Variants in CSMD2 observed in about 807,000 individuals in gnomAD.
CSMD2 encodes the protein CUB and sushi domain-containing protein 2.
A neutral mutation model predicts 398.5 loss-of-function variants in CSMD2; 130 were observed. That is an observed-to-expected ratio of 0.33 (90% CI 0.28 to 0.38). The LOEUF is 0.38. Among genes scored for constraint, CSMD2 ranks in the 10% least tolerant of loss-of-function variants. CSMD2 has a pLI of 1.00. For missense variants in CSMD2, 3,829 were observed against 4,764.9 expected (o/e 0.80, Z 5.78); for synonymous variants, 1,828 against 1,908.5 (o/e 0.96, Z 1.10).
intron 1 of CSMD2, among the ~76,000 whole-genome samples, chr1:34,151,684 G>A (rs1396848763): frequency 6.6e-6 from 1 of 152,138 alleles, no homozygotes; most frequent in Non-Finnish European, 1.5e-5. Flanking sequence ...CAAGGTAGAA[G>A]ATAGCAGGTC....
intron 1 of CSMD2, among the ~76,000 whole-genome samples, chr1:34,151,839 T>C (rs1216231609): frequency 7.3e-6 from 1 of 136,994 alleles, no homozygotes; most frequent in Non-Finnish European, 1.6e-5. Context: ...CTTCCTTTCT[T>C]TCAGTCACAT....
At chr1:33,843,179 C>CT (rs556090218) in intron 6 of CSMD2, among the ~76,000 whole-genome samples, 160 of 152,312 alleles carry the variant, frequency 1.1e-3, no homozygotes, top group African/African-American at 3.6e-3. Context: ...GCGCATTCAT[C>CT]TTTTTTGCTG....
chr1:33,523,278 A>G (rs1654473091), intron 67 of CSMD2, 29 bp downstream of exon 67: 1 of 1,036,406 alleles, frequency 9.6e-7, no homozygotes, highest in South Asian at 1.3e-5. Context: ...TCTGGGAGTC[A>G]GGGGAGGAGG....
intron 7 of CSMD2, among the ~76,000 whole-genome samples, chr1:33,821,022 A>G (rs1658083117): frequency 6.6e-6 from 1 of 152,212 alleles, no homozygotes; most frequent in Admixed American, 6.5e-5. Flanking sequence ...CAGAAACGGT[A>G]AAGAATGTAA....
intron 3 of CSMD2, among the ~76,000 whole-genome samples, chr1:33,976,857 T>C (rs1570691818): frequency 6.6e-6 from 1 of 152,262 alleles, no homozygotes; most frequent in Non-Finnish European, 1.5e-5. Context: ...GTTCTTGGCA[T>C]ATGAAAGCTG....
intron 15 of CSMD2, among the ~76,000 whole-genome samples, chr1:33,737,574 G>T (rs887802690): frequency 6.6e-6 from 1 of 152,190 alleles, no homozygotes; most frequent in Non-Finnish European, 1.5e-5. Flanking sequence ...GCACAGAGAG[G>T]TCAAGTTACT....
intron 22 of CSMD2, among the ~76,000 whole-genome samples, chr1:33,708,761 C>A (rs1284762086): frequency 2.0e-5 from 3 of 152,012 alleles, no homozygotes; most frequent in Non-Finnish European, 4.4e-5. Context: ...ACCACCACAC[C>A]CAGCTAATTT....
chr1:33,654,323 G>A (rs528155353), intron 27 of CSMD2, among the ~76,000 whole-genome samples: 48 of 152,268 alleles, frequency 3.2e-4, no homozygotes, highest in African/African-American at 1.1e-3. Flanking sequence ...GTCTCAGAAA[G>A]CCTAAGTAAC....
At chr1:34,050,469 T>C (rs1352253188) in intron 2 of CSMD2, among the ~76,000 whole-genome samples, 1 of 152,192 alleles carries the variant, frequency 6.6e-6, no homozygotes, top group African/African-American at 2.4e-5. Flanking sequence ...CTCATGCTCA[T>C]GGGATTCACT....
rs566570191 is a variant in CSMD2 at position 33,809,291 on chromosome 1, C to T, written c.1446+1452G>A. Among the ~76,000 whole-genome samples, 965 of 143,046 alleles carry T rather than the reference C, an allele frequency of 6.7e-3. 5 individuals carry two copies. The highest frequency in any genetic ancestry group is 0.024 in the African/African-American group (898 of 38,160). The allele number at this position is 143,046 out of a possible 152,430, so 93.8% of individuals were successfully genotyped here. A position where few individuals can be genotyped will look rare whatever the true frequency, so the allele number is the denominator to read the frequency against. On this transcript the variant is annotated intron_variant, in intron 10 of 70. Coordinates refer to ENST00000373381, the MANE Select transcript of CSMD2 (RefSeq NM_001281956.2). ...AACAAATTACTAAACAATATATAGG[C>T]ATGTATAAAAATGACAATACTAAAT...
At chr1:33,839,008 G>A (rs1317957125) in intron 6 of CSMD2, 1 of 152,248 alleles carries the variant, frequency 6.6e-6, no homozygotes, top group African/African-American at 2.4e-5. Context: ...AACTCCTGAA[G>A]AGATTTCTCC....
intron 2 of CSMD2, among the ~76,000 whole-genome samples, chr1:34,077,083 T>G (rs112787231): frequency 2.7e-5 from 4 of 149,800 alleles, no homozygotes; most frequent in African/African-American, 9.8e-5. Flanking sequence ...GGGGCTAGGA[T>G]TGGGGTAGGG....
intron 7 of CSMD2, among the ~76,000 whole-genome samples, chr1:33,822,861 C>T (rs930542428): frequency 6.6e-6 from 1 of 152,170 alleles, no homozygotes; most frequent in African/African-American, 2.4e-5. Flanking sequence ...TGCAGACTTC[C>T]CAGCTAAGCA....
intron 10 of CSMD2, among the ~76,000 whole-genome samples, chr1:33,808,691 C>T (rs762227067): frequency 1.8e-4 from 27 of 151,562 alleles, no homozygotes; most frequent in African/African-American, 5.8e-4. Context: ...AAAAGAACAA[C>T]AGAATAAACT....
intron 46 of CSMD2, among the ~76,000 whole-genome samples, chr1:33,584,443 G>A (rs549533174): frequency 2.0e-5 from 3 of 152,236 alleles, no homozygotes; most frequent in African/African-American, 2.4e-5. Context: ...AGGCCGGGGC[G>A]GGTGAATCAT....
At chr1:34,032,809 G>T in intron 2 of CSMD2, 103 bp from the exon 3 acceptor site, 1 of 745,644 alleles carries the variant, frequency 1.3e-6, no homozygotes, top group East Asian at 3.0e-5. Context: ...GCTGATCTAG[G>T]CACACAGAGG....
At chr1:34,037,134 TAA>T (rs928480448) in intron 2 of CSMD2, among the ~76,000 whole-genome samples, 1 of 144,062 alleles carries the variant, frequency 6.9e-6, no homozygotes, top group Non-Finnish European at 1.5e-5. Flanking sequence ...TAATAAGTTT[TAA>T]AAAATTATAT....
intron 3 of CSMD2, among the ~76,000 whole-genome samples, chr1:34,019,149 C>T (rs1012357460): frequency 3.9e-5 from 6 of 152,172 alleles, no homozygotes; most frequent in African/African-American, 1.4e-4. Context: ...AAATGTAAGG[C>T]ACTTAGAAGA....
chr1:34,008,932 T>C (rs945174348), intron 3 of CSMD2, among the ~76,000 whole-genome samples: 1 of 152,136 alleles, frequency 6.6e-6, no homozygotes, highest in Non-Finnish European at 1.5e-5. Flanking sequence ...CAGCCTGTTA[T>C]GGAAGAAATT....
Sources: gnomAD v4.1 joint callset for allele counts (sites outside exome capture counted in the v4.1 genomes callset) on GRCh38, gnomAD v4.1.1 for gene constraint, MANE v1.5 for transcripts, NCBI Gene and HGNC (gene_info 2026-07-23, HGNC 2026-07-21) for gene names.